The following TPTE2 variants were observed in gnomAD, a reference collection of about 807,000 sequenced individuals.
TPTE2 encodes transmembrane phosphoinositide 3-phosphatase and tensin homolog 2.
Under a neutral mutation model 78.6 loss-of-function variants are expected in TPTE2, and 53 were observed. The ratio of observed to expected loss-of-function variants is 0.67; its 90% CI spans 0.54 to 0.85. The LOEUF (loss-of-function observed/expected upper bound fraction) is 0.85, where lower values mean the gene tolerates loss of function less well. TPTE2 is among the 40% of genes least tolerant of loss of function. The probability of loss-of-function intolerance (pLI) is 0.00; values close to 1 mark genes in which losing one functional copy is unlikely to be tolerated. For synonymous variants in TPTE2, 175 were observed against 206.2 expected (o/e 0.85, Z 1.30); for missense variants, 461 against 623.0 (o/e 0.74, Z 2.77).
At chr13:19,474,036 G>A in exon 6 of TPTE2, 2 of 1,607,742 alleles carry the variant, frequency 1.2e-6, no homozygotes, top group Non-Finnish European at 1.7e-6. Flanking sequence ...CGGCAAGGAG[G>A]AGAGTGACAT....
rs186209683 is a variant in TPTE2 at position 19,479,788 on chromosome 13, T to C, written c.179+2700A>G. Among the ~76,000 whole-genome samples, 456 of 151,830 alleles carry C rather than the reference T, an allele frequency of 3.0e-3. 2 individuals carry two copies. Among genetic ancestry groups the C allele is most frequent in the South Asian group, 0.011 (52 of 4,804 alleles). ...ACCATCCTGGCCAACATGGTGAAACTCCATCTCTACTAAAAATACAAAAAA... is the reference window on the plus strand; with the variant it reads ...ACCATCCTGGCCAACATGGTGAAACCCCATCTCTACTAAAAATACAAAAAA... On this transcript the variant is annotated intron_variant, in intron 4 of 19. Coordinates refer to ENST00000400230, the Ensembl canonical transcript of TPTE2.
At chr13:19,484,252 A>C (rs1306578310) in intron 3 of TPTE2, among the ~76,000 whole-genome samples, 2 of 152,034 alleles carry the variant, frequency 1.3e-5, no homozygotes, top group African/African-American at 4.8e-5. Context: ...TTTAATTTCC[A>C]TATGTCTGTA....
chr13:19,477,649 A>G (rs1302936623), intron 4 of TPTE2, among the ~76,000 whole-genome samples: 4 of 152,184 alleles, frequency 2.6e-5, no homozygotes, highest in African/African-American at 9.7e-5. Flanking sequence ...TCACTTGACA[A>G]TGTCACCATA....
the TPTE2 span, among the ~76,000 whole-genome samples, chr13:19,555,385 A>T: frequency 5.3e-5 from 8 of 152,120 alleles, no homozygotes; most frequent in Non-Finnish European, 1.0e-4. Flanking sequence ...TCGGTCAATT[A>T]AAAAAAATTA....
the TPTE2 span, among the ~76,000 whole-genome samples, chr13:19,558,820 G>T: frequency 6.6e-6 from 1 of 152,170 alleles, no homozygotes; most frequent in Non-Finnish European, 1.5e-5. Context: ...AAAATAAGTT[G>T]TAAGTCCAGC....
intron 4 of TPTE2, among the ~76,000 whole-genome samples, chr13:19,478,902 C>T (rs573881532): frequency 6.6e-6 from 1 of 152,044 alleles, no homozygotes; most frequent in Admixed American, 6.6e-5. Flanking sequence ...CGCAAACTAT[C>T]GCAAGGTCAG....
At chr13:19,558,396 G>A in the TPTE2 span, among the ~76,000 whole-genome samples, 14 of 152,110 alleles carry the variant, frequency 9.2e-5, no homozygotes, top group Admixed American at 2.6e-4. Context: ...ACTTTGATAT[G>A]GTGGAAACAT....
intron 10 of TPTE2, among the ~76,000 whole-genome samples, chr13:19,455,463 A>G (rs187477545): frequency 1.2e-4 from 18 of 152,314 alleles, no homozygotes; most frequent in Admixed American, 7.8e-4. Context: ...TTGCAAAAGC[A>G]TTTGTAAGAT....
At chr13:19,429,669 G>C (rs561562949) in intron 17 of TPTE2, among the ~76,000 whole-genome samples, 3 of 152,222 alleles carry the variant, frequency 2.0e-5, no homozygotes, top group East Asian at 1.9e-4. Flanking sequence ...CCTCAGTTGG[G>C]AGAGGCCAAA....
intron 15 of TPTE2, among the ~76,000 whole-genome samples, chr13:19,433,175 T>C: frequency 6.6e-6 from 1 of 152,078 alleles, no homozygotes; most frequent in Non-Finnish European, 1.5e-5. Context: ...TTCTTCAAGG[T>C]ATTGAAGAGC....
chr13:19,460,535 C>A (rs1878821425), intron 10 of TPTE2, among the ~76,000 whole-genome samples: 1 of 152,142 alleles, frequency 6.6e-6, no homozygotes, highest in South Asian at 2.1e-4. Context: ...TCTTTTTTAG[C>A]CCTAGTTCTT....
the TPTE2 span, chr13:19,560,856 G>A: frequency 7.0e-6 from 11 of 1,561,250 alleles, no homozygotes; most frequent in Admixed American, 7.6e-5. Context: ...TTGGTGAAGC[G>A]GCAGGCCTGA....
At chr13:19,451,183 G>C (rs778548189) in exon 11 of TPTE2, 8 of 1,613,396 alleles carry the variant, frequency 5.0e-6, no homozygotes, top group Middle Eastern at 1.7e-4. Context: ...TTGTAGACTC[G>C]ATAGTGGTTT....
At chr13:19,505,192 G>A (rs1868920947), upstream of TPTE2, among the ~76,000 whole-genome samples, 1 of 152,020 alleles carries the variant, frequency 6.6e-6, no homozygotes, top group Non-Finnish European at 1.5e-5. Flanking sequence ...CGAGGCTGGA[G>A]TGCAGTGATG....
chr13:19,546,272 C>T, the TPTE2 span, among the ~76,000 whole-genome samples: 1 of 152,066 alleles, frequency 6.6e-6, no homozygotes, highest in Non-Finnish European at 1.5e-5. Flanking sequence ...TTGGGTTAGG[C>T]ATGGGCATAT....
At chr13:19,507,489 TCCA>T (rs1308327815), upstream of TPTE2, among the ~76,000 whole-genome samples, 1 of 152,128 alleles carries the variant, frequency 6.6e-6, no homozygotes, top group African/African-American at 2.4e-5. Flanking sequence ...CCTTCACTCC[TCCA>T]CCTGCCTCCA....
the TPTE2 span, among the ~76,000 whole-genome samples, chr13:19,552,270 A>T: frequency 1.3e-5 from 2 of 152,208 alleles, no homozygotes; most frequent in Non-Finnish European, 2.9e-5. Flanking sequence ...ACCAAGTAAT[A>T]ACCTGTTGAG....
At chr13:19,442,473 G>C (rs1877562151) in intron 13 of TPTE2, among the ~76,000 whole-genome samples, 1 of 152,002 alleles carries the variant, frequency 6.6e-6, no homozygotes, top group Admixed American at 6.6e-5. Context: ...ATAGAAAAGA[G>C]AGTGGCCAAC....
chr13:19,549,869 G>A, the TPTE2 span, among the ~76,000 whole-genome samples: 1 of 101,088 alleles, frequency 9.9e-6, no homozygotes, highest in Non-Finnish European at 2.5e-5. Flanking sequence ...GATGGAGCTG[G>A]AGGCCATTAT....
Sources: allele counts gnomAD v4.1 joint callset (sites outside exome capture counted in the v4.1 genomes callset), GRCh38; gene constraint gnomAD v4.1.1; transcripts MANE v1.5; gene names NCBI Gene and HGNC (gene_info 2026-07-23, HGNC 2026-07-21).